MALRD1: variants seen among roughly 807,000 people sequenced by gnomAD.
MALRD1 encodes MAM and LDL-receptor class A domain-containing protein 1.
A neutral mutation model predicts 242.1 loss-of-function variants in MALRD1; 247 were observed. The observed-to-expected ratio is 1.02, with a 90% CI of 0.92 to 1.13. The LOEUF is 1.13. MALRD1 is among the 50% of genes most tolerant of loss of function. The probability of loss-of-function intolerance (pLI) is 0.00; values close to 1 mark genes in which losing one functional copy is unlikely to be tolerated. For synonymous variants in MALRD1, 995 were observed against 866.6 expected (o/e 1.15, Z -2.60); for missense variants, 2,989 against 2,533.1 (o/e 1.18, Z -3.86).
intron 24 of MALRD1, among the ~76,000 whole-genome samples, chr10:19,344,473 A>G (rs1262101722): frequency 6.6e-6 from 1 of 151,932 alleles, no homozygotes; most frequent in East Asian, 1.9e-4. Context: ...ACATGGAGCT[A>G]TTTCTGGGTT....
intron 38 of MALRD1, among the ~76,000 whole-genome samples, chr10:19,714,734 A>C (rs978598619): frequency 6.6e-6 from 1 of 152,088 alleles, no homozygotes; most frequent in African/African-American, 2.4e-5. Flanking sequence ...GGGAATCAGC[A>C]AAACAGGGAA....
At chr10:19,283,207 C>G (rs2484099) in intron 21 of MALRD1, 26 bp downstream of exon 21, 194,606 of 1,465,348 alleles carry the variant, frequency 0.13, 15,678 homozygotes, top group East Asian at 0.35. Context: ...TTTTGAATAT[C>G]TCTCTTGGGA....
chr10:19,691,730 A>G (rs1842829015), intron 36 of MALRD1, among the ~76,000 whole-genome samples: 1 of 152,170 alleles, frequency 6.6e-6, no homozygotes. Context: ...AACAAAGGTG[A>G]TGGAACCCTT....
intron 33 of MALRD1, among the ~76,000 whole-genome samples, chr10:19,582,473 C>A (rs1285544320): frequency 1.1e-4 from 16 of 142,694 alleles, no homozygotes; most frequent in East Asian, 1.1e-3. Flanking sequence ...CATTTATTAA[C>A]TAGGGAATCC....
chr10:19,204,064 T>C (rs190491773), intron 15 of MALRD1, among the ~76,000 whole-genome samples, 184 bp downstream of exon 15: 46 of 152,330 alleles, frequency 3.0e-4, no homozygotes, highest in Admixed American at 2.5e-3. Context: ...AGATAGCATA[T>C]AGATATATTT....
At chr10:19,120,078 C>G (rs1009342189) in intron 5 of MALRD1, among the ~76,000 whole-genome samples, 3 of 151,952 alleles carry the variant, frequency 2.0e-5, no homozygotes, top group African/African-American at 7.3e-5. Context: ...TTATGAGTCA[C>G]CAGCATTTAG....
chr10:19,210,821 C>T lies in MALRD1; in HGVS notation c.2991+1141C>T, dbSNP rs893491635. Among the ~76,000 whole-genome samples the T allele has an allele frequency of 3.3e-5, 5 of 152,064 alleles. No homozygotes were observed. In the East Asian group the frequency reaches 7.7e-4, roughly 23 times the overall value. On this transcript the variant is annotated intron_variant, in intron 18 of 39. Transcript: ENST00000454679. ...CCCCCATCTATAGTGTGGCATCGTT[C>T]AGCTCTCCCACAGCGTAAGGTACAT...
chr10:19,539,906 G>A (rs1337767563), intron 32 of MALRD1, among the ~76,000 whole-genome samples: 16 of 51,396 alleles, frequency 3.1e-4, no homozygotes, highest in East Asian at 1.5e-3. Flanking sequence ...GTGCGCGCGC[G>A]CGTGCGCGCA....
At chr10:19,191,155 A>C (rs1405660917) in intron 14 of MALRD1, among the ~76,000 whole-genome samples, 1 of 152,224 alleles carries the variant, frequency 6.6e-6, no homozygotes, top group Non-Finnish European at 1.5e-5. Context: ...TTTAATGGAC[A>C]TTTCTCCAAA....
chr10:19,519,862 C>T (rs1410223188), intron 31 of MALRD1, among the ~76,000 whole-genome samples: 1 of 152,154 alleles, frequency 6.6e-6, no homozygotes, highest in Non-Finnish European at 1.5e-5. Flanking sequence ...GACTATTAAA[C>T]GGTCTACTTT....
At chr10:19,458,643 G>A (rs7350410) in intron 29 of MALRD1, among the ~76,000 whole-genome samples, 51,058 of 152,028 alleles carry the variant, frequency 0.34, 8,647 homozygotes, top group East Asian at 0.45. Flanking sequence ...GGGTCAATAA[G>A]AATCAGAATT....
At chr10:19,669,291 A>T (rs1050672676) in intron 36 of MALRD1, among the ~76,000 whole-genome samples, 29 of 152,208 alleles carry the variant, frequency 1.9e-4, no homozygotes, top group African/African-American at 6.8e-4. Context: ...ACCAAACTAA[A>T]AATGGACTAT....
chr10:19,372,138 T>C (rs1279811031), intron 26 of MALRD1, among the ~76,000 whole-genome samples: 1 of 150,352 alleles, frequency 6.7e-6, no homozygotes, highest in African/African-American at 2.4e-5. Flanking sequence ...ATAATAGTTG[T>C]ATGAGAACTT....
At chr10:19,488,772 A>G (rs1227412884) in intron 29 of MALRD1, 1 of 268,866 alleles carries the variant, frequency 3.7e-6, no homozygotes, top group Non-Finnish European at 7.6e-6. Flanking sequence ...TTTATGTACT[A>G]GGTAATGATC....
intron 18 of MALRD1, among the ~76,000 whole-genome samples, chr10:19,211,995 CT>C (rs1372005974): frequency 6.6e-6 from 1 of 152,146 alleles, no homozygotes; most frequent in East Asian, 1.9e-4. Flanking sequence ...AACCAGTTTA[CT>C]TGTTAATGTC....
Position 19,578,680 on chromosome 10 carries a change from G to A in MALRD1, c.5680+10977G>A, listed in dbSNP as rs565190638. ...GCACTCCAGCCTGGGGGACAGAAAA[G>A]AGTTGACAAGCTCATGGCTGGGTTT... On this transcript the variant is annotated intron_variant, in intron 33 of 39. Coordinates refer to ENST00000454679, the MANE Select transcript of MALRD1 (RefSeq NM_001142308.3). 2.6e-5 allele frequency among the ~76,000 whole-genome samples: 4 copies of A among 151,654 alleles called. No homozygotes were observed. In the South Asian group the frequency reaches 8.3e-4, roughly 32 times the overall value.
chr10:19,145,854 C>A (rs2131439115), intron 10 of MALRD1, among the ~76,000 whole-genome samples: 1 of 151,724 alleles, frequency 6.6e-6, no homozygotes, highest in East Asian at 1.9e-4. Context: ...GGATTTTTTT[C>A]ATTTAAACTA....
intron 27 of MALRD1, among the ~76,000 whole-genome samples, chr10:19,388,975 T>C (rs1425834930): frequency 6.6e-6 from 1 of 151,926 alleles, no homozygotes; most frequent in Admixed American, 6.6e-5. Context: ...TGAAATGTTA[T>C]GGATATGTCA....
At chr10:19,101,563 T>C (rs1372289958) in intron 4 of MALRD1, among the ~76,000 whole-genome samples, 3 of 136,336 alleles carry the variant, frequency 2.2e-5, no homozygotes, top group African/African-American at 8.0e-5. Context: ...ATATAATATG[T>C]ATATTGTATT....
Sources: allele counts gnomAD v4.1 joint callset (sites outside exome capture counted in the v4.1 genomes callset), GRCh38; gene constraint gnomAD v4.1.1; transcripts MANE v1.5; gene names NCBI Gene and HGNC (gene_info 2026-07-23, HGNC 2026-07-21).